The following HNRNPU variants were observed in gnomAD, a reference collection of about 807,000 sequenced individuals.
The protein encoded by HNRNPU is HNRNPU antisense RNA 1.
In HNRNPU, 5 loss-of-function variants were observed where a neutral mutation model predicts 94.7. The ratio of observed to expected loss-of-function variants is 0.05; its 90% CI spans 0.03 to 0.11. The LOEUF (loss-of-function observed/expected upper bound fraction) is 0.11. Among genes scored for constraint, HNRNPU ranks in the 10% least tolerant of loss-of-function variants. The pLI is 1.00. For missense variants in HNRNPU, 710 were observed against 1,049.2 expected, an observed-to-expected ratio of 0.68 and a Z score of 4.47; for synonymous variants, 434 against 381.6, an observed-to-expected ratio of 1.14 and a Z score of -1.60.
intron 12 of HNRNPU, 45 bp from the exon 13 acceptor site, chr1:244,855,089 T>A (rs1474094229): frequency 6.7e-7 from 1 of 1,488,536 alleles, no homozygotes; most frequent in Non-Finnish European, 9.4e-7. Flanking sequence ...CCCAATTGCT[T>A]GTTAGGTTTG....
rs1311852945 is a variant in HNRNPU, at chr1:244,852,312, C to T, written c.*2138G>A. 2 of 152,142 alleles carry T rather than the reference C, an allele frequency of 1.3e-5. No individual in the cohort carries two copies. The highest frequency in any genetic ancestry group is 2.4e-5 in the African/African-American group (1 of 41,402). 9.4% of individuals were successfully genotyped at this position (152,142 alleles called of 1,614,324 possible). Reference sequence around the variant, plus strand: ...GGTGCCATTTTTATCTATTCTCTCTCCCCCCAAATTCTCTGGGCTAAACAG... The same window carrying T: ...GGTGCCATTTTTATCTATTCTCTCTTCCCCCAAATTCTCTGGGCTAAACAG... On this transcript the variant is annotated 3_prime_UTR_variant, in exon 14 of 14. Transcript: ENST00000640218.
In HNRNPU at chr1:244,864,517, T is replaced by C. The variant is rs957985573; in HGVS notation, c.-210A>G. 3.8e-6 allele frequency: 3 copies of C among 786,106 alleles called. No individual in the cohort carries two copies. The highest frequency in any genetic ancestry group is 3.7e-5 in the African/African-American group (2 of 53,850). 48.7% of individuals were successfully genotyped at this position (786,106 alleles called of 1,614,324 possible). A position where few individuals can be genotyped will look rare whatever the true frequency, so the allele number is the denominator to read the frequency against. ...CGCGAGGGAGACGCGGAGACTCGCC[T>C]GGCGCGAGCGAGCACGCAACGTCCT... On this transcript the variant is annotated 5_prime_UTR_variant, in exon 1 of 14. Coordinates refer to ENST00000640218, the MANE Select transcript of HNRNPU (RefSeq NM_031844.3).
chr1:244,850,940 G>A lies in HNRNPU; in HGVS notation c.*3510C>T, dbSNP rs1215966362. ...TCAAATGGGTATTCTGAAGCAGGTT[G>A]AGAAGTAGATAAAATTCTCTGCTAC... On this transcript the variant is annotated 3_prime_UTR_variant, in exon 14 of 14. Coordinates refer to ENST00000640218, the MANE Select transcript of HNRNPU (RefSeq NM_031844.3). 6.6e-6 allele frequency: 1 copy of A among 152,060 alleles called. No homozygotes were observed. Among genetic ancestry groups the A allele is most frequent in the African/African-American group, 2.4e-5 (1 of 41,392 alleles). The allele number at this position is 152,060 out of a possible 1,614,324, so 9.4% of individuals were successfully genotyped here.
At position 244,856,885 on chromosome 1, in the gene HNRNPU, G is replaced by C. The variant is rs531481021; in HGVS notation, c.1615-29C>G. 12 of 1,560,604 alleles carry C rather than the reference G, an allele frequency of 7.7e-6. No individual in the cohort carries two copies. The African/African-American group carries it at 1.2e-4, about 16-fold the overall frequency. On this transcript the variant is annotated intron_variant, in intron 8 of 13. Coordinates refer to ENST00000640218, the MANE Select transcript of HNRNPU (RefSeq NM_031844.3). ...TATTCAAAAGTTAAAATTTCCCCTTGAACTTGTGAATTTTAATAAGTTATG... is the reference window on the plus strand; with the variant it reads ...TATTCAAAAGTTAAAATTTCCCCTTCAACTTGTGAATTTTAATAAGTTATG...
chr1:244,855,905 T>G lies in HNRNPU; in HGVS notation c.2166A>C (p.Gly722=), dbSNP rs140234240. 1.5e-4 allele frequency: 244 copies of G among 1,611,158 alleles called. No individual in the cohort carries two copies. The highest frequency in any genetic ancestry group is 1.7e-4 in the Non-Finnish European group (195 of 1,178,462). The part of the protein sequence containing the change: ...FNMRGGNFRG[G]APGNRGGYNR... ...ACAGAACACTCAAAATTAACTTGCC[T>G]CCTCCTCTGAAATTTCCACCACGCA... Residue 722 remains glycine, a splice_region_variant and synonymous_variant, in exon 11 of 14, where the codon GGA becomes GGC. Coordinates refer to ENST00000640218, the MANE Select transcript of HNRNPU (RefSeq NM_031844.3).
Position 244,852,227 on chromosome 1 carries a change from A to G in HNRNPU, c.*2223T>C, listed in dbSNP as rs1040976643. ...AACACTTTATAAGGTTATTTCTGCCATACAAGTGTAGACAATTGTATTAAT... is the reference window on the plus strand; with the variant it reads ...AACACTTTATAAGGTTATTTCTGCCGTACAAGTGTAGACAATTGTATTAAT... On this transcript the variant is annotated 3_prime_UTR_variant, in exon 14 of 14. Coordinates refer to ENST00000640218, the MANE Select transcript of HNRNPU (RefSeq NM_031844.3). 6.6e-6 allele frequency: 1 copy of G among 152,214 alleles called. No individual in the cohort carries two copies. The highest frequency in any genetic ancestry group is 1.5e-5 in the Non-Finnish European group (1 of 68,036). The allele number at this position is 152,214 out of a possible 1,614,324, so 9.4% of individuals were successfully genotyped here. A position where few individuals can be genotyped will look rare whatever the true frequency, so the allele number is the denominator to read the frequency against.
At position 244,862,437 on chromosome 1, in the gene HNRNPU, T is replaced by C. The variant is rs774941720; in HGVS notation, c.877+24A>G. On this transcript the variant is annotated intron_variant, in intron 3 of 13. Coordinates refer to ENST00000640218, the MANE Select transcript of HNRNPU (RefSeq NM_031844.3). ...AAACCACCATCACCGCATTTCATAA[T>C]TGGGGAGAAACAGCTTCACTTACAA... The C allele has an allele frequency of 3.8e-5, 53 of 1,411,670 alleles. 1 individual carries two copies. The East Asian group carries it at 6.5e-4, about 17-fold the overall frequency. 87.4% of individuals were successfully genotyped at this position (1,411,670 alleles called of 1,614,324 possible).
At chr1:244,856,402 A>G in intron 10 of HNRNPU, 55 bp downstream of exon 10, 2 of 1,533,092 alleles carry the variant, frequency 1.3e-6, no homozygotes, top group African/African-American at 1.4e-5. Context: ...ATATGTAGGA[A>G]AAACATTCTT....
chr1:244,862,392 T>G, intron 3 of HNRNPU, 69 bp downstream of exon 3: 2 of 912,470 alleles, frequency 2.2e-6, no homozygotes, highest in South Asian at 3.1e-5. Context: ...GCATTAAGAC[T>G]TCTAAAAAAA....
In HNRNPU at chr1:244,864,118, C is replaced by A; in HGVS notation, c.190G>T (p.Gly64Trp). The change falls in exon 1 of 14, where the codon GGG becomes TGG. Residue 64 changes from glycine to tryptophan, a missense_variant. Transcript: ENST00000640218. Reference protein sequence around the residue: ...EPGNGSLDLGGDSAGRSGAGL... With the variant: ...EPGNGSLDLGWDSAGRSGAGL... Reference sequence around the variant, plus strand: ...GCTCCCGAGCGCCCAGCGGAATCCCCGCCCAGGTCTAGGCTGCCGTTCCCG... The same window carrying A: ...GCTCCCGAGCGCCCAGCGGAATCCCAGCCCAGGTCTAGGCTGCCGTTCCCG... 1 of 1,597,636 alleles carries A rather than the reference C, an allele frequency of 6.3e-7. No homozygotes were observed. Among genetic ancestry groups the A allele is most frequent in the East Asian group, 2.3e-5 (1 of 44,042 alleles).
rs775591187 is a variant in HNRNPU, at chr1:244,856,533, G to A, written c.1836C>T (p.Asp612=). 5 of 1,613,958 alleles carry A rather than the reference G, an allele frequency of 3.1e-6. No homozygotes were observed. The highest frequency in any genetic ancestry group is 3.4e-6 in the Non-Finnish European group (4 of 1,179,944). ...KAVVVCPKDE[D]YKQRTQKKAE... ...CTTTCTTCTGTGTTCTTTGCTTATA[G>A]TCTTCATCTTTTGGGCAAACTACAA... The change falls in exon 10 of 14, where the codon GAC becomes GAT. Residue 612 remains aspartate, a synonymous_variant. Transcript: ENST00000640218.
chr1:244,860,573 T>C (rs1283428256), intron 3 of HNRNPU, 99 bp from the exon 4 acceptor site: 2 of 883,038 alleles, frequency 2.3e-6, no homozygotes, highest in Admixed American at 5.3e-5. Context: ...ATGTACTTCT[T>C]AATGCTGCAC....
chr1:244,860,174 C>T, intron 4 of HNRNPU, 161 bp downstream of exon 4: 1 of 573,528 alleles, frequency 1.7e-6, no homozygotes, highest in Admixed American at 3.5e-5. Flanking sequence ...GTAGTGTGTG[C>T]CTCTAGTCCG....
chr1:244,861,730 GT>G (rs1680835789), intron 3 of HNRNPU: 1 of 105,284 alleles, frequency 9.5e-6, no homozygotes, highest in Non-Finnish European at 1.8e-5. Context: ...AACCAACTAC[GT>G]TTTTTTGTAA....
In HNRNPU at chr1:244,855,451, T is replaced by C; in HGVS notation, c.2325A>G (p.Gly775=). The C allele has an allele frequency of 6.2e-7, 1 of 1,613,794 alleles. No homozygotes were observed. The highest frequency in any genetic ancestry group is 8.5e-7 in the Non-Finnish European group (1 of 1,179,916). The change falls in exon 12 of 14, where the codon GGA becomes GGG. Residue 775 remains glycine, a synonymous_variant. Transcript: ENST00000640218. The stretch of plus-strand genomic sequence containing the variant: ...GGTTGTAGTTCCCTCTGTTGGGCAT[T>C]CCACCTCTGTTGTAGTTCCCTCTGT... ...YSNRGNYNRG[G]MPNRGNYNQN...
At chr1:244,862,942 C>CGATG (rs1680878629) in intron 1 of HNRNPU, 1 of 581,940 alleles carries the variant, frequency 1.7e-6, no homozygotes, top group Admixed American at 3.1e-5. Flanking sequence ...CCAGTCTCCT[C>CGATG]GATGATTCGA....
chr1:244,855,436 C>T lies in HNRNPU; in HGVS notation c.2340G>A (p.Gly780=), dbSNP rs756260871. 9.3e-6 allele frequency: 15 copies of T among 1,613,376 alleles called. No homozygotes were observed. In the Middle Eastern group the frequency reaches 7.1e-4, roughly 76 times the overall value. Residue 780 remains glycine, a synonymous_variant, in exon 12 of 14, where the codon GGG becomes GGA. Coordinates refer to ENST00000640218, the MANE Select transcript of HNRNPU (RefSeq NM_031844.3). ...CTTGAATCATTACCTGGTTGTAGTT[C>T]CCTCTGTTGGGCATTCCACCTCTGT... ...NYNRGGMPNR[G]NYNQNFRGRG...
In HNRNPU at chr1:244,856,840, T is replaced by G. The variant is rs1680694368; in HGVS notation, c.1631A>C (p.Lys544Thr). 1 of 1,603,530 alleles carries G rather than the reference T, an allele frequency of 6.2e-7. No individual in the cohort carries two copies. Among genetic ancestry groups the G allele is most frequent in the Non-Finnish European group, 8.5e-7 (1 of 1,176,532 alleles). The stretch of plus-strand genomic sequence containing the variant: ...CAGTTTTCCAGTATCTGCCATTTGC[T>G]TCTTAAAACCTGCCACCTATATTCA... ...MDKMMVAGFK[K>T]QMADTGKLNT... Residue 544 changes from lysine to threonine, a missense_variant, in exon 9 of 14, where the codon AAG (lysine) becomes ACG (threonine). Lys to Thr is a moderately conservative substitution (Grantham distance 78, BLOSUM62 -1). Coordinates refer to ENST00000640218, the MANE Select transcript of HNRNPU (RefSeq NM_031844.3).
intron 10 of HNRNPU, 116 bp downstream of exon 10, chr1:244,856,341 A>G (rs1381492072): frequency 8.0e-7 from 1 of 1,245,600 alleles, no homozygotes; most frequent in East Asian, 2.3e-5. Context: ...AAAAATGTTA[A>G]CTTTCAGGAG....
Sources: gnomAD v4.1 joint callset for allele counts on GRCh38, gnomAD v4.1.1 for gene constraint, MANE v1.5 for transcripts, NCBI Gene and HGNC (gene_info 2026-07-23, HGNC 2026-07-21) for gene names.